The following NEK11 variants were observed in gnomAD, a reference collection of about 807,000 sequenced individuals.
NEK11 encodes the protein serine/threonine-protein kinase Nek11.
Under a neutral mutation model 80.7 loss-of-function variants are expected in NEK11, and 72 were observed. The observed-to-expected ratio is 0.89, with a 90% confidence interval of 0.74 to 1.08. The LOEUF is 1.08. Ranked by LOEUF, NEK11 falls within the 50% of genes least tolerant of loss-of-function variation. The pLI is 0.00. For synonymous variants in NEK11, 251 were observed against 260.7 expected (o/e 0.96, Z 0.36); for missense variants, 764 against 763.6 (o/e 1.00, Z -0.01).
rs148063177 is a variant in NEK11, at chr3:131,092,537, T to C, written c.336+11949T>C. On this transcript the variant is annotated intron_variant, in intron 4 of 17. Coordinates refer to ENST00000383366, the MANE Select transcript of NEK11 (RefSeq NM_024800.5). ...CTGAGTTTCTACCGTATCAGACATA[T>C]TTATGAAAGGGCAGCATGAGATGTT... is the stretch of plus-strand genomic sequence containing the variant. Among the ~76,000 whole-genome samples, 11 of 152,330 alleles carry C rather than the reference T, an allele frequency of 7.2e-5. No individual in the cohort carries two copies. In the East Asian group the frequency reaches 2.1e-3, roughly 29 times the overall value.
At position 131,287,488 on chromosome 3, in the gene NEK11, G is replaced by T. The variant is rs112314977; in HGVS notation, c.1718+13914G>T. Among the ~76,000 whole-genome samples, 1,430 of 152,196 alleles carry T rather than the reference G, an allele frequency of 9.4e-3. 16 individuals are homozygous for T. Among genetic ancestry groups the T allele is most frequent in the African/African-American group, 0.031 (1,275 of 41,510 alleles). ...GGGGTTTCGCCATGTTGGCCAGGCT[G>T]GTCTCGAACTCCTGACCTCAGGTGA... On this transcript the variant is annotated intron_variant, in intron 17 of 17. Coordinates refer to ENST00000383366, the MANE Select transcript of NEK11 (RefSeq NM_024800.5).
intron 17 of NEK11, among the ~76,000 whole-genome samples, chr3:131,317,283 G>T (rs2096850282): frequency 6.6e-6 from 1 of 152,174 alleles, no homozygotes; most frequent in Non-Finnish European, 1.5e-5. Context: ...AATAAAATTT[G>T]ACCTGATTCC....
At chr3:131,082,621 C>A (rs977809931) in intron 4 of NEK11, among the ~76,000 whole-genome samples, 3 of 152,130 alleles carry the variant, frequency 2.0e-5, no homozygotes, top group Non-Finnish European at 1.5e-5. Context: ...ATTTAAATAA[C>A]CATATGTGGC....
intron 7 of NEK11, among the ~76,000 whole-genome samples, chr3:131,140,338 G>A (rs573315008): frequency 6.6e-6 from 1 of 152,264 alleles, no homozygotes; most frequent in South Asian, 2.1e-4. Flanking sequence ...AAGGCCTTTG[G>A]TCTTTACTCC....
intron 5 of NEK11, among the ~76,000 whole-genome samples, chr3:131,126,881 A>G (rs964696950): frequency 6.6e-6 from 1 of 150,524 alleles, no homozygotes; most frequent in Non-Finnish European, 1.5e-5. Context: ...ATCCATTTAT[A>G]TATATATTAG....
rs143830130 is a variant in NEK11, at chr3:131,307,782, A to G, written c.1718+34208A>G. Among the ~76,000 whole-genome samples the G allele has an allele frequency of 9.0e-4, 137 of 152,362 alleles. 1 individual carries two copies. The highest frequency in any genetic ancestry group is 3.0e-3 in the African/African-American group (126 of 41,582). On this transcript the variant is annotated intron_variant, in intron 17 of 17. Coordinates refer to ENST00000383366, the MANE Select transcript of NEK11 (RefSeq NM_024800.5). ...TATAGAGCATATTGAGCACAGCAAT[A>G]TCTTCAATAGTTCTGCATGAACTGC...
intron 17 of NEK11, among the ~76,000 whole-genome samples, chr3:131,336,427 G>C (rs1006890685): frequency 7.9e-5 from 12 of 152,104 alleles, no homozygotes. Flanking sequence ...ATAGAAAGCC[G>C]AAACTGGATC....
chr3:131,348,641 G>A (rs915918930), intron 17 of NEK11, among the ~76,000 whole-genome samples: 3 of 151,028 alleles, frequency 2.0e-5, no homozygotes, highest in Non-Finnish European at 4.4e-5. Flanking sequence ...CCTTTCTGGA[G>A]ATAGAGGAAA....
At chr3:131,073,833 C>T (rs2073876941) in intron 3 of NEK11, among the ~76,000 whole-genome samples, 1 of 152,306 alleles carries the variant, frequency 6.6e-6, no homozygotes, top group Admixed American at 6.5e-5. Context: ...ACTGCCTGCA[C>T]ATGCAATTCT....
chr3:131,219,512 C>G (rs924742425), intron 14 of NEK11, among the ~76,000 whole-genome samples: 1 of 146,850 alleles, frequency 6.8e-6, no homozygotes, highest in African/African-American at 2.5e-5. Context: ...ATCCATGGAA[C>G]AAACCTGCAT....
intron 3 of NEK11, among the ~76,000 whole-genome samples, chr3:131,076,836 G>A (rs932780887): frequency 1.3e-5 from 2 of 152,040 alleles, no homozygotes; most frequent in South Asian, 2.1e-4. Flanking sequence ...CTTTAGTCTT[G>A]GTCTTTTCTT....
chr3:131,255,990 C>T (rs1481558555), intron 16 of NEK11, among the ~76,000 whole-genome samples: 1 of 152,152 alleles, frequency 6.6e-6, no homozygotes, highest in Non-Finnish European at 1.5e-5. Context: ...GTTCTGAGGG[C>T]TGTCCAATTC....
intron 3 of NEK11, among the ~76,000 whole-genome samples, chr3:131,069,224 C>G (rs534080007): frequency 1.3e-5 from 2 of 152,228 alleles, no homozygotes; most frequent in South Asian, 4.1e-4. Context: ...TATCTTTTCT[C>G]ATTTTTACCT....
chr3:131,300,011 C>A (rs1392310560), intron 17 of NEK11, among the ~76,000 whole-genome samples: 1 of 152,186 alleles, frequency 6.6e-6, no homozygotes, highest in African/African-American at 2.4e-5. Context: ...TATAAGCATT[C>A]CCTTTTCTCT....
chr3:131,140,628 C>G (rs926490929), intron 7 of NEK11, among the ~76,000 whole-genome samples: 4 of 152,292 alleles, frequency 2.6e-5, no homozygotes, highest in African/African-American at 9.6e-5. Flanking sequence ...GAAGTAGCCT[C>G]TAATCTAGGC....
At chr3:131,212,177 A>ATGCTATTTCTTTC in intron 14 of NEK11, among the ~76,000 whole-genome samples, 1 of 152,130 alleles carries the variant, frequency 6.6e-6, no homozygotes, top group Non-Finnish European at 1.5e-5. Context: ...GTTGATGTTG[A>ATGCTATTTCTTTC]TGCTATTTCT....
intron 12 of NEK11, 110 bp from the exon 13 acceptor site, chr3:131,168,720 C>A: frequency 1.4e-6 from 1 of 696,442 alleles, no homozygotes; most frequent in South Asian, 2.0e-5. Flanking sequence ...CTATGTATAC[C>A]TTGATTAATA....
chr3:131,146,557 C>T (rs1411933897), intron 7 of NEK11, among the ~76,000 whole-genome samples: 1 of 152,098 alleles, frequency 6.6e-6, no homozygotes, highest in Non-Finnish European at 1.5e-5. Context: ...GGGGAAATAA[C>T]CAAGTATATT....
intron 5 of NEK11, among the ~76,000 whole-genome samples, chr3:131,125,224 T>C (rs947955567): frequency 5.3e-5 from 8 of 152,322 alleles, no homozygotes; most frequent in Middle Eastern, 3.4e-3. Context: ...TCCTATAAAG[T>C]AAACTATATG....
Sources: allele counts gnomAD v4.1 joint callset (sites outside exome capture counted in the v4.1 genomes callset), GRCh38; gene constraint gnomAD v4.1.1; transcripts MANE v1.5; gene names NCBI Gene and HGNC (gene_info 2026-07-23, HGNC 2026-07-21).